TNS1: variants seen among roughly 807,000 people sequenced by gnomAD.
TNS1 encodes tensin-1.
TNS1 carries 62 observed loss-of-function variants against 168.6 expected under a neutral mutation model. That is an observed-to-expected ratio of 0.37 (90% CI 0.30 to 0.45). The LOEUF is 0.45. TNS1 is among the 20% of genes least tolerant of loss of function. TNS1 has a pLI of 1.00. For synonymous variants in TNS1, 934 were observed against 933.2 expected (o/e 1.00, Z -0.02); for missense variants, 2,240 against 2,339.4 (o/e 0.96, Z 0.88).
Position 217,803,885 on chromosome 2 carries a change from CACG to C in TNS1, c.*571_*573del, listed in dbSNP as rs1249628711. 1 of 153,996 alleles carries C rather than the reference CACG, an allele frequency of 6.5e-6. No homozygotes were observed. The highest frequency in any genetic ancestry group is 1.5e-5 in the Non-Finnish European group (1 of 68,964). The allele number at this position is 153,996 out of a possible 1,614,324, so 9.5% of individuals were successfully genotyped here. A position where few individuals can be genotyped will look rare whatever the true frequency, so the allele number is the denominator to read the frequency against. On this transcript the variant is annotated 3_prime_UTR_variant, in exon 33 of 33. Coordinates refer to ENST00000682258, the MANE Select transcript of TNS1 (RefSeq NM_001387777.1). ...GGATGTGGGTGCAGACACACACCCA[CACG>C]ACAATATAGTGGAGGCACAGCAAAG...
At chr2:217,947,689 G>T (rs1170453905) in intron 3 of TNS1, among the ~76,000 whole-genome samples, 1 of 152,166 alleles carries the variant, frequency 6.6e-6, no homozygotes, top group East Asian at 1.9e-4. Context: ...AAGCAGAGAA[G>T]AAAGGCGAGG....
chr2:217,929,725 C>T (rs1242756378), intron 3 of TNS1, among the ~76,000 whole-genome samples: 1 of 138,616 alleles, frequency 7.2e-6, no homozygotes, highest in African/African-American at 2.6e-5. Flanking sequence ...CCACCAAAGT[C>T]GTTCAAGCCA....
chr2:217,964,008 C>T (rs1203655381), intron 3 of TNS1, among the ~76,000 whole-genome samples: 1 of 152,046 alleles, frequency 6.6e-6, no homozygotes, highest in African/African-American at 2.4e-5. Flanking sequence ...CCTTCCTCCC[C>T]ACAACGTAAG....
intron 3 of TNS1, chr2:217,937,058 C>T (rs548288814): frequency 7.7e-5 from 35 of 455,918 alleles, no homozygotes; most frequent in Non-Finnish European, 1.5e-4. Flanking sequence ...AAACTCCTTG[C>T]CAAACTTCAA....
chr2:217,818,345 G>A lies in TNS1; in HGVS notation c.3987C>T (p.Phe1329=). ...GGGGGCTGGAGACAGTGCTACCATGGAAGCCAGTGCCTGGTGGACCCATCA... is the reference window on the plus strand; with the variant it reads ...GGGGGCTGGAGACAGTGCTACCATGAAAGCCAGTGCCTGGTGGACCCATCA... ...HQMMGPPGTG[F]HGSTVSSPQS... is the part of the protein sequence containing the mutation. The change falls in exon 24 of 33, where the codon TTC becomes TTT. Residue 1329 remains phenylalanine (F), a synonymous_variant. Transcript: ENST00000682258. 3 of 1,614,168 alleles carry A rather than the reference G, an allele frequency of 1.9e-6. No individual in the cohort carries two copies. The highest frequency in any genetic ancestry group is 1.3e-5 in the African/African-American group (1 of 75,056).
intron 7 of TNS1, among the ~76,000 whole-genome samples, chr2:217,900,196 C>T (rs754136253): frequency 2.0e-5 from 3 of 152,206 alleles, no homozygotes; most frequent in African/African-American, 4.8e-5. Context: ...GAATAAAATA[C>T]GTACCTTGCG....
In TNS1 at chr2:218,031,316, TGG is replaced by T. The variant is rs557344268; in HGVS notation, c.156+2502_156+2503del. On this transcript the variant is annotated intron_variant, in intron 1 of 1. Transcript: ENST00000649572. ...GTGAGTGTGTCTTTGTGTATGAGTG[TGG>T]GTGTGTGAGCATGTCTGTGTGTGAG... Among the ~76,000 whole-genome samples, 1,113 of 139,902 alleles carry T rather than the reference TGG, an allele frequency of 8.0e-3. 74 individuals are homozygous for T. The highest frequency in any genetic ancestry group is 0.027 in the African/African-American group (941 of 35,056). 91.8% of individuals were successfully genotyped at this position (139,902 alleles called of 152,430 possible).
intron 18 of TNS1, among the ~76,000 whole-genome samples, chr2:217,863,124 T>C (rs771673251): frequency 3.8e-4 from 58 of 152,210 alleles, no homozygotes; most frequent in Non-Finnish European, 6.9e-4. Context: ...CTGGCCTGGC[T>C]CTTTGTTCTT....
At position 217,948,390 on chromosome 2, in the gene TNS1, C is replaced by G. The variant is rs1436622397; in HGVS notation, c.187-28154G>C. ...GGGGAGAGGCCACTGGGGCACCGCT[C>G]TGCTTCCTTCCCAAGATGTCCTGGG... On this transcript the variant is annotated intron_variant, in intron 3 of 32. Transcript: ENST00000682258. The surrounding 1 kb of genome is among the most constrained non-coding windows in gnomAD (Gnocchi z 4.1). Among the ~76,000 whole-genome samples the G allele has an allele frequency of 6.6e-6, 1 of 152,186 alleles. No homozygotes were observed. The highest frequency in any genetic ancestry group is 2.4e-5 in the African/African-American group (1 of 41,440).
At chr2:217,939,673 C>T (rs1435362575) in intron 3 of TNS1, among the ~76,000 whole-genome samples, 1 of 152,216 alleles carries the variant, frequency 6.6e-6, no homozygotes, top group Non-Finnish European at 1.5e-5. Context: ...CCCAGGCCCC[C>T]GCCTTGCTGG....
chr2:218,029,702 G>C (rs1200813463), intron 1 of TNS1, among the ~76,000 whole-genome samples: 1 of 152,186 alleles, frequency 6.6e-6, no homozygotes, highest in African/African-American at 2.4e-5. Flanking sequence ...AGACATTCTA[G>C]AACAAGTAAC....
chr2:217,963,832 T>C (rs1030992200), intron 3 of TNS1, among the ~76,000 whole-genome samples: 3 of 145,948 alleles, frequency 2.1e-5, no homozygotes, highest in Middle Eastern at 3.3e-3. Context: ...TTGCCTGAGC[T>C]CAGGAGTTTG....
chr2:217,881,051 A>G, intron 17 of TNS1, 37 bp from the exon 18 acceptor site: 2 of 1,445,144 alleles, frequency 1.4e-6, no homozygotes, highest in Non-Finnish European at 1.9e-6. Context: ...AGTCGGGGAG[A>G]CAGTGCAGAG....
intron 3 of TNS1, among the ~76,000 whole-genome samples, chr2:217,959,804 G>C (rs1957452899): frequency 6.7e-6 from 1 of 149,870 alleles, no homozygotes; most frequent in Non-Finnish European, 1.5e-5. Context: ...GAGGCAGCTG[G>C]ACGCCTCTGT....
At chr2:217,906,600 T>C (rs1953736380) in intron 5 of TNS1, among the ~76,000 whole-genome samples, 1 of 152,132 alleles carries the variant, frequency 6.6e-6, no homozygotes, top group South Asian at 2.1e-4. Context: ...CTGTGGGAGA[T>C]ACTATTATTC....
chr2:217,964,507 G>A (rs915125586), intron 3 of TNS1, among the ~76,000 whole-genome samples: 2 of 152,202 alleles, frequency 1.3e-5, no homozygotes, highest in Admixed American at 6.5e-5. Context: ...CATCTGAGGC[G>A]TTTCCTCCTC....
At position 217,907,784 on chromosome 2, in the gene TNS1, C is replaced by T. The variant is rs548059192; in HGVS notation, c.229-533G>A. 4.1e-4 allele frequency among the ~76,000 whole-genome samples: 63 copies of T among 152,340 alleles called. 1 individual carries two copies. The highest frequency in any genetic ancestry group is 3.4e-3 in the Middle Eastern group (1 of 294). On this transcript the variant is annotated intron_variant, in intron 4 of 32. Coordinates refer to ENST00000682258, the MANE Select transcript of TNS1 (RefSeq NM_001387777.1). ...TACTTCAGTGGGCTTTCAGGCCACC[C>T]ACCACTGGGCCTCACACACCTCCAT... is the stretch of plus-strand genomic sequence containing the variant.
intron 18 of TNS1, among the ~76,000 whole-genome samples, chr2:217,876,987 G>A (rs1480814737): frequency 6.6e-6 from 1 of 152,174 alleles, no homozygotes; most frequent in Non-Finnish European, 1.5e-5. Context: ...GGATTCACCA[G>A]AAGGCACTGC....
intron 3 of TNS1, among the ~76,000 whole-genome samples, chr2:217,949,746 A>G (rs1282704096): frequency 6.6e-6 from 1 of 152,008 alleles, no homozygotes; most frequent in Non-Finnish European, 1.5e-5. Flanking sequence ...GAACAAAAAA[A>G]AAAGAAAAGA....
Sources: allele counts gnomAD v4.1 joint callset (sites outside exome capture counted in the v4.1 genomes callset), GRCh38; gene constraint gnomAD v4.1.1; non-coding constraint Gnocchi (gnomAD v3.1); transcripts MANE v1.5; gene names NCBI Gene and HGNC (gene_info 2026-07-23, HGNC 2026-07-21).